Variants in COG6 observed in about 807,000 individuals in gnomAD.
COG6 encodes the protein component of oligomeric golgi complex 6.
COG6 carries 74 observed loss-of-function variants against 88.8 expected under a neutral mutation model. That is an observed-to-expected ratio of 0.83 (90% CI 0.69 to 1.01). The LOEUF is 1.01. COG6 is among the 50% of genes least tolerant of loss of function. COG6 has a pLI of 0.00. For synonymous variants in COG6, 286 were observed against 278.7 expected (o/e 1.03, Z -0.26); for missense variants, 800 against 797.9 (o/e 1.00, Z -0.03).
At position 39,751,849 on chromosome 13, in the gene COG6, T is replaced by C; in HGVS notation, c.*756T>C. On this transcript the variant is annotated 3_prime_UTR_variant, in exon 19 of 19. Transcript: ENST00000455146. ...CAGCCTTTCCAATGAGCTCTAAGCA[T>C]GTAGATAGCCTGAGCTGTGTCTAAG... 1 of 1,287,148 alleles carries C rather than the reference T, an allele frequency of 7.8e-7. No individual in the cohort carries two copies. Among genetic ancestry groups the C allele is most frequent in the Non-Finnish European group, 1.0e-6 (1 of 988,646 alleles). The allele number at this position is 1,287,148 out of a possible 1,614,324, so 79.7% of individuals were successfully genotyped here.
intron 8 of COG6, among the ~76,000 whole-genome samples, chr13:39,683,759 G>A (rs991257651): frequency 1.5e-5 from 2 of 136,560 alleles, no homozygotes; most frequent in South Asian, 4.7e-4. Flanking sequence ...AAAAAAAAAA[G>A]CCTTTCTGTG....
At chr13:39,757,924 A>G (rs1880890938) in intron 18 of COG6, among the ~76,000 whole-genome samples, 1 of 152,122 alleles carries the variant, frequency 6.6e-6, no homozygotes, top group African/African-American at 2.4e-5. Context: ...CAATTCAACA[A>G]TAAAAAGACA....
chr13:39,706,112 C>G (rs1473656987), intron 13 of COG6, among the ~76,000 whole-genome samples: 2 of 150,218 alleles, frequency 1.3e-5, no homozygotes, highest in Non-Finnish European at 3.0e-5. Context: ...AACTTAAATT[C>G]CACATATTGT....
rs1253326975 is a variant in COG6, at chr13:39,751,228, T to G, written c.*135T>G. 16 of 345,914 alleles carry G rather than the reference T, an allele frequency of 4.6e-5. No individual in the cohort carries two copies. The highest frequency in any genetic ancestry group is 1.1e-4 in the Admixed American group (2 of 17,642). 21.4% of individuals were successfully genotyped at this position (345,914 alleles called of 1,614,324 possible). ...ATCATAAGATTGTAAGTCCCGATAA[T>G]TTTTTTTTTTTTGGTCTCAGTAACA... On this transcript the variant is annotated 3_prime_UTR_variant, in exon 19 of 19. Coordinates refer to ENST00000455146, the MANE Select transcript of COG6 (RefSeq NM_020751.3).
At chr13:39,761,418 A>T (rs982862610) in intron 18 of COG6, among the ~76,000 whole-genome samples, 2 of 152,050 alleles carry the variant, frequency 1.3e-5, no homozygotes, top group East Asian at 3.8e-4. Flanking sequence ...AAGACCTGAA[A>T]GTATGAAACT....
chr13:39,734,797 A>G (rs1370303539), intron 18 of COG6, among the ~76,000 whole-genome samples: 1 of 152,170 alleles, frequency 6.6e-6, no homozygotes, highest in East Asian at 1.9e-4. Context: ...GGGTGCATGT[A>G]TATTTACAAT....
At chr13:39,730,861 A>C (rs149452643) in intron 18 of COG6, among the ~76,000 whole-genome samples, 2 of 148,396 alleles carry the variant, frequency 1.3e-5, no homozygotes, top group African/African-American at 4.9e-5. Context: ...TGGCATTGTC[A>C]CCCAGGCTGG....
At chr13:39,733,896 A>G (rs1003764691) in intron 18 of COG6, among the ~76,000 whole-genome samples, 2 of 151,990 alleles carry the variant, frequency 1.3e-5, no homozygotes, top group Non-Finnish European at 2.9e-5. Context: ...GAATTTATTC[A>G]TTTCTTCTAA....
At chr13:39,744,458 T>C (rs748863353) in intron 18 of COG6, among the ~76,000 whole-genome samples, 1 of 151,926 alleles carries the variant, frequency 6.6e-6, no homozygotes, top group Non-Finnish European at 1.5e-5. Context: ...TATACACCAA[T>C]AACAGACAAA....
intron 18 of COG6, among the ~76,000 whole-genome samples, chr13:39,758,030 T>G (rs562036620): frequency 6.6e-5 from 10 of 151,316 alleles, no homozygotes; most frequent in African/African-American, 2.4e-4. Context: ...GACCATCCTG[T>G]CCAACATGGT....
intron 18 of COG6, among the ~76,000 whole-genome samples, chr13:39,748,192 T>C (rs1196963299): frequency 6.6e-6 from 1 of 152,156 alleles, no homozygotes; most frequent in Non-Finnish European, 1.5e-5. Context: ...CAAATGTATG[T>C]TATATCTAAC....
At chr13:39,739,686 C>T (rs1377901318) in intron 18 of COG6, among the ~76,000 whole-genome samples, 1 of 152,056 alleles carries the variant, frequency 6.6e-6, no homozygotes, top group Non-Finnish European at 1.5e-5. Flanking sequence ...CTACAGCAAA[C>T]ATAATACTTA....
At chr13:39,668,830 C>T (rs1875440720) in intron 4 of COG6, among the ~76,000 whole-genome samples, 1 of 151,890 alleles carries the variant, frequency 6.6e-6, no homozygotes, top group Non-Finnish European at 1.5e-5. Context: ...TACAGAGATC[C>T]AAGGTAGCCT....
chr13:39,763,700 C>A, intron 18 of COG6, among the ~76,000 whole-genome samples: 1 of 151,818 alleles, frequency 6.6e-6, no homozygotes, highest in East Asian at 1.9e-4. Flanking sequence ...ATCTGTGCCT[C>A]CCCCCTTTTA....
intron 18 of COG6, among the ~76,000 whole-genome samples, chr13:39,740,605 A>G (rs1879993684): frequency 1.3e-5 from 2 of 152,140 alleles, no homozygotes; most frequent in Non-Finnish European, 2.9e-5. Context: ...TGTTGAGATT[A>G]TTTTATTATT....
At chr13:39,657,110 C>T (rs1874562040) in intron 1 of COG6, among the ~76,000 whole-genome samples, 2 of 152,322 alleles carry the variant, frequency 1.3e-5, no homozygotes, top group South Asian at 4.1e-4. Flanking sequence ...CGGCTCACTG[C>T]AACCTCTGCC....
At chr13:39,690,819 A>G in intron 11 of COG6, among the ~76,000 whole-genome samples, 1 of 151,830 alleles carries the variant, frequency 6.6e-6, no homozygotes, top group Non-Finnish European at 1.5e-5. Flanking sequence ...AGTATCTTGA[A>G]ATTATTTTAC....
chr13:39,673,441 A>G (rs1023036062), intron 4 of COG6, among the ~76,000 whole-genome samples: 2 of 152,030 alleles, frequency 1.3e-5, no homozygotes, highest in Admixed American at 1.3e-4. Context: ...CCAGTCTTTC[A>G]AAAACGTTTA....
intron 13 of COG6, among the ~76,000 whole-genome samples, chr13:39,704,905 T>C (rs1416778789): frequency 6.6e-6 from 1 of 152,186 alleles, no homozygotes; most frequent in Non-Finnish European, 1.5e-5. Flanking sequence ...TATTTAGAGT[T>C]ATTTTTACAT....
Sources: gnomAD v4.1 joint callset for allele counts (sites outside exome capture counted in the v4.1 genomes callset) on GRCh38, gnomAD v4.1.1 for gene constraint, MANE v1.5 for transcripts, NCBI Gene and HGNC (gene_info 2026-07-23, HGNC 2026-07-21) for gene names.